Variants in HOXC4 observed in about 807,000 individuals in gnomAD.
HOXC4 encodes the protein homeobox C4.
A neutral mutation model predicts 25.5 loss-of-function variants in HOXC4; 15 were observed. That is an observed-to-expected ratio of 0.59 (90% CI 0.39 to 0.91). The LOEUF is 0.91. Among genes scored for constraint, HOXC4 ranks in the 40% least tolerant of loss-of-function variants. The pLI is 0.00. For synonymous variants in HOXC4, 165 were observed against 148.0 expected (o/e 1.11, Z -0.83); for missense variants, 342 against 352.4 (o/e 0.97, Z 0.24).
At chr12:54,042,608 A>G (rs1565749959) in intron 1 of HOXC4, among the ~76,000 whole-genome samples, 1 of 152,216 alleles carries the variant, frequency 6.6e-6, no homozygotes, top group East Asian at 1.9e-4. Flanking sequence ...TCTAGGATTT[A>G]ATTAGGTCCT....
intron 1 of HOXC4, among the ~76,000 whole-genome samples, chr12:54,039,655 AT>A (rs918647879): frequency 2.6e-5 from 4 of 151,796 alleles, no homozygotes; most frequent in African/African-American, 7.3e-5. Flanking sequence ...CTAGTCTGTG[AT>A]TTTGAGAGTT....
chr12:54,031,134 T>G (rs948621418), intron 1 of HOXC4, among the ~76,000 whole-genome samples: 1 of 152,256 alleles, frequency 6.6e-6, no homozygotes, highest in African/African-American at 2.4e-5. Flanking sequence ...CCTTTCTTCC[T>G]GCCTGTGGCA....
chr12:54,055,269 CTTAT>C lies in HOXC4; in HGVS notation c.*69_*72del. The C allele has an allele frequency of 3.9e-6, 2 of 517,096 alleles. No homozygotes were observed. Among genetic ancestry groups the C allele is most frequent in the South Asian group, 7.0e-5 (2 of 28,528 alleles). 32.0% of individuals were successfully genotyped at this position (517,096 alleles called of 1,614,324 possible). A position where few individuals can be genotyped will look rare whatever the true frequency, so the allele number is the denominator to read the frequency against. ...CCCTCCCCTCACACACAAATTGACT[CTTAT>C]TTATAGAATTTAATATATATATATA... On this transcript the variant is annotated 3_prime_UTR_variant, in exon 2 of 2. Transcript: ENST00000430889.
In HOXC4 at chr12:54,019,179, C is replaced by T. The variant is rs867856836; in HGVS notation, c.-124+1765C>T. Among the ~76,000 whole-genome samples, 202 of 133,294 alleles carry T rather than the reference C, an allele frequency of 1.5e-3. 1 individual carries two copies. The highest frequency in any genetic ancestry group is 5.3e-3 in the African/African-American group (197 of 36,850). 87.4% of individuals were successfully genotyped at this position (133,294 alleles called of 152,430 possible). A position where few individuals can be genotyped will look rare whatever the true frequency, so the allele number is the denominator to read the frequency against. On this transcript the variant is annotated intron_variant, in intron 1 of 3. Transcript: ENST00000303406. Reference sequence around the variant, plus strand: ...GGCATTTTCTCTCCCCCTCCCCCACCCCCCCACCCCCAGTAGGACTTGTGT... The same window carrying T: ...GGCATTTTCTCTCCCCCTCCCCCACTCCCCCACCCCCAGTAGGACTTGTGT...
chr12:54,017,978 G>T (rs914953333), intron 1 of HOXC4, among the ~76,000 whole-genome samples: 4 of 152,198 alleles, frequency 2.6e-5, no homozygotes, highest in Non-Finnish European at 5.9e-5. Context: ...CCGGGCCGCC[G>T]AGCAGGAAGC....
chr12:54,043,819 C>T (rs1452878226), intron 1 of HOXC4, among the ~76,000 whole-genome samples: 1 of 152,124 alleles, frequency 6.6e-6, no homozygotes, highest in Non-Finnish European at 1.5e-5. Flanking sequence ...CAAGCTCAAA[C>T]TCCAAACTCC....
At chr12:54,049,647 A>G (rs181930177), upstream of HOXC4, among the ~76,000 whole-genome samples, 8 of 151,796 alleles carry the variant, frequency 5.3e-5, no homozygotes, top group East Asian at 1.5e-3. Context: ...CCAATTCATT[A>G]CTTTTACTGA....
chr12:54,022,784 C>T (rs1188172630), intron 1 of HOXC4, among the ~76,000 whole-genome samples: 3 of 152,160 alleles, frequency 2.0e-5, no homozygotes, highest in Admixed American at 2.0e-4. Flanking sequence ...TATATGACAA[C>T]TCACTGTGAT....
chr12:54,029,568 G>T (rs2136438998), intron 1 of HOXC4: 1 of 1,395,478 alleles, frequency 7.2e-7, no homozygotes, highest in South Asian at 1.3e-5. Flanking sequence ...TGGCCAGGTT[G>T]GGAGGGTCAG....
chr12:54,050,826 A>G (rs1463959103), upstream of HOXC4, among the ~76,000 whole-genome samples: 2 of 152,230 alleles, frequency 1.3e-5, no homozygotes, highest in Non-Finnish European at 2.9e-5. Context: ...ACGAACCTGG[A>G]ATGAAAACTC....
rs1446871482 is a variant in HOXC4, at chr12:54,034,674, G to A, written c.-124+17260G>A. 3 of 595,118 alleles carry A rather than the reference G, an allele frequency of 5.0e-6. No homozygotes were observed. In the African/African-American group the frequency reaches 5.6e-5, roughly 11 times the overall value. 36.9% of individuals were successfully genotyped at this position (595,118 alleles called of 1,614,324 possible). On this transcript the variant is annotated intron_variant, in intron 1 of 3. Transcript: ENST00000303406. ...GCATCCCTACCGACCCAGGGTTCCC[G>A]CGGGGCTGTCGGCGCTGCCCCATCT...
chr12:54,029,120 C>G (rs959018834), intron 1 of HOXC4, among the ~76,000 whole-genome samples: 1 of 151,950 alleles, frequency 6.6e-6, no homozygotes. Flanking sequence ...CCCCTTGGCC[C>G]CTGACGGATT....
intron 1 of HOXC4, among the ~76,000 whole-genome samples, chr12:54,026,764 C>G (rs968369564): frequency 6.6e-6 from 1 of 152,168 alleles, no homozygotes; most frequent in Non-Finnish European, 1.5e-5. Flanking sequence ...ATTTTTCCCC[C>G]CTAGCGACAC....
At chr12:54,033,352 GCGC>G (rs1168955986) in intron 1 of HOXC4, 5 of 1,612,842 alleles carry the variant, frequency 3.1e-6, no homozygotes, top group Non-Finnish European at 3.4e-6. Context: ...CCCGCCTGCA[GCGC>G]CGCGGCCGCT....
upstream of HOXC4, among the ~76,000 whole-genome samples, chr12:54,050,943 T>C (rs931102714): frequency 2.6e-5 from 4 of 152,124 alleles, no homozygotes; most frequent in Admixed American, 6.5e-5. Flanking sequence ...TGACATTCAG[T>C]TGGGGGCATC....
intron 1 of HOXC4, 54 bp from the exon 2 acceptor site, chr12:54,054,796 G>A: frequency 1.7e-6 from 2 of 1,201,830 alleles, no homozygotes; most frequent in East Asian, 2.4e-5. Context: ...GAGGGTGGGG[G>A]GCGGGGAGCC....
At chr12:54,025,869 C>T (rs1030813000) in intron 1 of HOXC4, among the ~76,000 whole-genome samples, 2 of 152,072 alleles carry the variant, frequency 1.3e-5, no homozygotes, top group Admixed American at 6.5e-5. Flanking sequence ...TCAAGGAAAC[C>T]TAGGCATCCT....
chr12:54,024,210 C>A lies in HOXC4; in HGVS notation c.-124+6796C>A, dbSNP rs541104824. Among the ~76,000 whole-genome samples the A allele has an allele frequency of 2.0e-5, 3 of 152,136 alleles. No homozygotes were observed. In the South Asian group the frequency reaches 6.2e-4, roughly 32 times the overall value. The stretch of plus-strand genomic sequence containing the variant: ...AAAAGGGGCCAGCGGGGCAACCGTT[C>A]TTCTCTTGCTCAGAAAAGTGAGACT... On this transcript the variant is annotated intron_variant, in intron 1 of 3. Transcript: ENST00000303406.
At chr12:54,046,225 C>T (rs1937701253) in intron 1 of HOXC4, among the ~76,000 whole-genome samples, 1 of 152,214 alleles carries the variant, frequency 6.6e-6, no homozygotes, top group Admixed American at 6.5e-5. Flanking sequence ...CCGCTCTTAT[C>T]GGCTGGGATT....
Sources: gnomAD v4.1 joint callset for allele counts (sites outside exome capture counted in the v4.1 genomes callset) on GRCh38, gnomAD v4.1.1 for gene constraint, MANE v1.5 for transcripts, NCBI Gene and HGNC (gene_info 2026-07-23, HGNC 2026-07-21) for gene names.